The following EXOC5 variants were observed in gnomAD, a reference collection of about 807,000 sequenced individuals.
EXOC5 encodes exocyst complex component 5, also known as SEC10-like 1.
EXOC5 carries 17 observed loss-of-function variants against 90.8 expected under a neutral mutation model. The ratio of observed to expected loss-of-function variants is 0.19; its 90% CI spans 0.13 to 0.28. EXOC5 has a LOEUF of 0.28. Ranked by LOEUF, EXOC5 falls within the 10% of genes least tolerant of loss-of-function variation. EXOC5 has a pLI of 1.00. For missense variants in EXOC5, 569 were observed against 830.6 expected (o/e 0.69, Z 3.87); for synonymous variants, 260 against 270.0 (o/e 0.96, Z 0.36).
intron 10 of EXOC5, 77 bp downstream of exon 10, chr14:57,232,590 C>A: frequency 1.6e-6 from 1 of 617,286 alleles, no homozygotes; most frequent in South Asian, 2.5e-5. Context: ...TTCAAAAATA[C>A]CTGAATACTT....
chr14:57,239,953 C>A (rs1177548679), intron 4 of EXOC5, among the ~76,000 whole-genome samples: 1 of 151,960 alleles, frequency 6.6e-6, no homozygotes, highest in East Asian at 1.9e-4. Flanking sequence ...CAAGTTTATT[C>A]CAAAGAAATT....
chr14:57,243,037 G>A (rs989845558), intron 4 of EXOC5, among the ~76,000 whole-genome samples: 1 of 152,172 alleles, frequency 6.6e-6, no homozygotes, highest in Admixed American at 6.5e-5. Flanking sequence ...ATAAGCGGGA[G>A]CTAAGCTATG....
At chr14:57,237,566 G>T (rs1594667519) in intron 5 of EXOC5, 200 bp from the exon 6 acceptor site, 1 of 462,176 alleles carries the variant, frequency 2.2e-6, no homozygotes, top group Non-Finnish European at 3.9e-6. Flanking sequence ...TCAGAGGAGA[G>T]AATTCTGATA....
intron 15 of EXOC5, among the ~76,000 whole-genome samples, chr14:57,214,987 T>G (rs1882931040): frequency 6.6e-6 from 1 of 152,018 alleles, no homozygotes; most frequent in African/African-American, 2.4e-5. Flanking sequence ...CCCAGCACTT[T>G]TGGAGGCTGA....
At chr14:57,237,433 C>G in intron 5 of EXOC5, 67 bp from the exon 6 acceptor site, 1 of 1,022,130 alleles carries the variant, frequency 9.8e-7, no homozygotes, top group Non-Finnish European at 1.5e-6. Context: ...ATGTAAGATG[C>G]TAACCAAATG....
At chr14:57,244,423 A>G (rs1883971676) in intron 3 of EXOC5, 64 bp from the exon 4 acceptor site, 5 of 1,099,422 alleles carry the variant, frequency 4.5e-6, no homozygotes, top group African/African-American at 1.6e-5. Context: ...CTAAACTACT[A>G]CTCTTATTGC....
rs777758664 is a variant in EXOC5, at chr14:57,233,842, T to C, written c.756A>G (p.Ile252Met). ...LRNDIFEDAG[I>M]LCQRVNKQVG... is the part of the protein sequence containing the mutation. ...CTTGTTTGTTCACTCTTTGACAGAG[T>C]ATTCCAGCGTCTTCAAATATATCAT... is the stretch of plus-strand genomic sequence containing the variant. Residue 252 changes from isoleucine to methionine, a missense_variant, in exon 9 of 18, where the codon ATA becomes ATG. This residue lies in a region of EXOC5 where 114 missense variants were observed against 111.2 expected (regional missense o/e 1.03). Coordinates refer to ENST00000621441, the MANE Select transcript of EXOC5 (RefSeq NM_006544.4). The C allele has an allele frequency of 8.7e-6, 14 of 1,609,936 alleles. No individual in the cohort carries two copies. The highest frequency in any genetic ancestry group is 1.2e-5 in the Non-Finnish European group (14 of 1,176,566).
At position 57,203,666 on chromosome 14, in the gene EXOC5, C is replaced by T. The variant is rs1184043878; in HGVS notation, c.*4943G>A. On this transcript the variant is annotated 3_prime_UTR_variant, in exon 18 of 18. Coordinates refer to ENST00000621441, the MANE Select transcript of EXOC5 (RefSeq NM_006544.4). ...AATTCTACATTTTACTGACCTTTCA[C>T]TGATTATAAAGTAATTTAAGTGATT... 1 of 152,540 alleles carries T rather than the reference C, an allele frequency of 6.6e-6. No individual in the cohort carries two copies. Among genetic ancestry groups the T allele is most frequent in the Non-Finnish European group, 1.5e-5 (1 of 68,026 alleles). The allele number at this position is 152,540 out of a possible 1,614,324, so 9.4% of individuals were successfully genotyped here.
chr14:57,223,534 T>C (rs1349772822), intron 12 of EXOC5, among the ~76,000 whole-genome samples: 1 of 152,048 alleles, frequency 6.6e-6, no homozygotes, highest in Non-Finnish European at 1.5e-5. Context: ...CCCTCATCAG[T>C]CTCTCTACTC....
chr14:57,253,135 C>G (rs6573138), intron 1 of EXOC5, among the ~76,000 whole-genome samples: 86,236 of 151,942 alleles, frequency 0.57, 27,297 homozygotes, highest in African/African-American at 0.85. Context: ...GCTGGGAAGG[C>G]TAAAGCGGAG....
chr14:57,240,212 CTTT>C (rs57715659), intron 4 of EXOC5, among the ~76,000 whole-genome samples: 7 of 137,786 alleles, frequency 5.1e-5, no homozygotes, highest in African/African-American at 5.3e-5. Context: ...TTCTTTCTGT[CTTT>C]TTTTTTTTTT....
Position 57,231,321 on chromosome 14 carries a change from A to G in EXOC5, c.1148+185T>C, listed in dbSNP as rs563508312. 3.9e-4 allele frequency among the ~76,000 whole-genome samples: 59 copies of G among 152,200 alleles called. 1 individual carries two copies. Among genetic ancestry groups the G allele is most frequent in the Admixed American group, 1.2e-3 (18 of 15,284 alleles). On this transcript the variant is annotated intron_variant, in intron 11 of 17. Coordinates refer to ENST00000621441, the MANE Select transcript of EXOC5 (RefSeq NM_006544.4). ...ACCACGCCCGGCTTACATTTCAATC[A>G]TGTTATGTTAGGTCATTTCAACATG...
intron 15 of EXOC5, among the ~76,000 whole-genome samples, chr14:57,217,514 TGG>T (rs1434333461): frequency 6.6e-6 from 1 of 152,200 alleles, no homozygotes; most frequent in African/African-American, 2.4e-5. Flanking sequence ...TTAATTGTTT[TGG>T]GGTACCATAC....
chr14:57,241,530 T>C (rs993006485), intron 4 of EXOC5, among the ~76,000 whole-genome samples: 10 of 152,234 alleles, frequency 6.6e-5, no homozygotes, highest in African/African-American at 2.4e-4. Context: ...ATCATCATTG[T>C]GCTATTGCAA....
At chr14:57,260,618 C>A (rs1473215253) in intron 1 of EXOC5, among the ~76,000 whole-genome samples, 3 of 152,048 alleles carry the variant, frequency 2.0e-5, no homozygotes, top group Admixed American at 6.6e-5. Flanking sequence ...GGAAAGGTAA[C>A]AAATGTTACA....
rs79463320 is a variant in EXOC5 at position 57,227,575 on chromosome 14, C to A, written c.1296+2159G>T. 1.0e-3 allele frequency among the ~76,000 whole-genome samples: 156 copies of A among 152,250 alleles called. 3 individuals carry two copies. In the East Asian group the frequency reaches 0.026, roughly 26 times the overall value. ...ACGGTACCAATTTCACTCCCATTGG[C>A]GGTGTGTGACAACTGCTTATTGCTC... On this transcript the variant is annotated intron_variant, in intron 12 of 17. Coordinates refer to ENST00000621441, the MANE Select transcript of EXOC5 (RefSeq NM_006544.4).
intron 1 of EXOC5, among the ~76,000 whole-genome samples, chr14:57,264,603 T>C (rs965340638): frequency 1.3e-5 from 2 of 152,230 alleles, no homozygotes; most frequent in Non-Finnish European, 2.9e-5. Flanking sequence ...GTGTGCTATA[T>C]ATACTCCAGC....
intron 1 of EXOC5, 75 bp from the exon 2 acceptor site, chr14:57,247,787 C>A: frequency 1.6e-6 from 1 of 643,680 alleles, no homozygotes. Flanking sequence ...ATTAAAACAG[C>A]TTCTACTAGG....
intron 11 of EXOC5, 121 bp from the exon 12 acceptor site, chr14:57,230,002 T>G (rs1034668196): frequency 2.1e-5 from 10 of 470,092 alleles, no homozygotes; most frequent in African/African-American, 2.0e-4. Context: ...GAGACCTAAT[T>G]TCTAATTCCA....
Sources: allele counts gnomAD v4.1 joint callset (sites outside exome capture counted in the v4.1 genomes callset), GRCh38; gene constraint gnomAD v4.1.1; regional missense constraint gnomAD v4.1.1; transcripts MANE v1.5; gene names NCBI Gene and HGNC (gene_info 2026-07-23, HGNC 2026-07-21).